Variants in GLI3 observed in about 807,000 individuals in gnomAD.
The protein encoded by GLI3 is GLI family zinc finger 3, also known as transcription activator GLI3.
In GLI3, 20 loss-of-function variants were observed where a neutral mutation model predicts 100.8. That is an observed-to-expected ratio of 0.20 (90% confidence interval 0.14 to 0.29). The LOEUF is 0.29. Among genes scored for constraint, GLI3 ranks in the 10% least tolerant of loss-of-function variants. The pLI is 1.00. For missense variants in GLI3, 2,040 were observed against 2,128.5 expected, an observed-to-expected ratio of 0.96 and a Z score of 0.82; for synonymous variants, 938 against 860.5, an observed-to-expected ratio of 1.09 and a Z score of -1.58.
chr7:41,964,329 C>T lies in GLI3; in HGVS notation c.*1G>A, dbSNP rs753279069. 2 of 1,613,220 alleles carry T rather than the reference C, an allele frequency of 1.2e-6. No homozygotes were observed. The highest frequency in any genetic ancestry group is 3.3e-5 in the Admixed American group (2 of 60,016). ...TGGTTGCAGTCTTTTTTTCCTAAAGCCTATTGCATAACTGCAAGGAATTTG... is the reference window on the plus strand; with the variant it reads ...TGGTTGCAGTCTTTTTTTCCTAAAGTCTATTGCATAACTGCAAGGAATTTG... On this transcript the variant is annotated 3_prime_UTR_variant, in exon 15 of 15. Transcript: ENST00000395925.
intron 2 of GLI3, among the ~76,000 whole-genome samples, chr7:42,186,494 C>A (rs1375148038): frequency 6.6e-6 from 1 of 152,158 alleles, no homozygotes; most frequent in Non-Finnish European, 1.5e-5. Context: ...CATGTGCTCA[C>A]AAGAAGGCAC....
intron 4 of GLI3, among the ~76,000 whole-genome samples, chr7:42,073,563 T>G (rs963783051): frequency 6.6e-6 from 1 of 152,220 alleles, no homozygotes; most frequent in African/African-American, 2.4e-5. Context: ...TGCCTTAATA[T>G]AGGGTGGTTT....
chr7:42,015,616 T>C (rs1283633335), intron 10 of GLI3, among the ~76,000 whole-genome samples: 3 of 150,568 alleles, frequency 2.0e-5, no homozygotes, highest in Non-Finnish European at 4.4e-5. Context: ...AAAAAAAAAA[T>C]AGTGATGGAG....
chr7:42,251,260 G>A (rs1789028718), intron 1 of GLI3, among the ~76,000 whole-genome samples: 1 of 152,188 alleles, frequency 6.6e-6, no homozygotes, highest in Non-Finnish European at 1.5e-5. Context: ...GGGAGGGATG[G>A]TTTTGGGATG....
rs1562661838 is a variant in GLI3 at position 41,968,728 on chromosome 7, GAAAGA to G, written c.2104-810_2104-806del. ...AAGAAAGAAAGAAGAAAGAAAGAAAGAAAGAAAGAAAGAAAGAAAGAAAGAAAGAA... is the reference window on the plus strand; with the variant it reads ...AAGAAAGAAAGAAGAAAGAAAGAAAGAAGAAAGAAAGAAAGAAAGAAAGAA... On this transcript the variant is annotated intron_variant, in intron 13 of 14. Transcript: ENST00000395925. 6.2e-4 allele frequency among the ~76,000 whole-genome samples: 66 copies of G among 105,822 alleles called. 2 individuals carry two copies. The highest frequency in any genetic ancestry group is 8.8e-4 in the Non-Finnish European group (47 of 53,708). The allele number at this position is 105,822 out of a possible 152,430, so 69.4% of individuals were successfully genotyped here.
intron 3 of GLI3, among the ~76,000 whole-genome samples, chr7:42,082,877 T>C (rs1009783692): frequency 1.7e-4 from 26 of 152,290 alleles, no homozygotes; most frequent in African/African-American, 5.5e-4. Context: ...GGGCCGGTTT[T>C]TGTAAATAAA....
chr7:42,039,170 T>A (rs1562698022), intron 7 of GLI3, among the ~76,000 whole-genome samples: 1 of 152,222 alleles, frequency 6.6e-6, no homozygotes, highest in Non-Finnish European at 1.5e-5. Context: ...TAATTCTATG[T>A]CTCAACCATT....
chr7:41,980,476 C>T (rs557223999), intron 10 of GLI3, among the ~76,000 whole-genome samples: 17 of 152,082 alleles, frequency 1.1e-4, no homozygotes, highest in African/African-American at 3.1e-4. Flanking sequence ...GATTCTCAAA[C>T]GGGAGAAAAA....
chr7:42,200,594 G>A (rs1788019020), intron 2 of GLI3, among the ~76,000 whole-genome samples: 1 of 152,156 alleles, frequency 6.6e-6, no homozygotes, highest in Non-Finnish European at 1.5e-5. Flanking sequence ...ACAAGAAAGA[G>A]TGATAAATTA....
chr7:41,974,977 G>C (rs1787471654), intron 12 of GLI3, among the ~76,000 whole-genome samples: 1 of 152,186 alleles, frequency 6.6e-6, no homozygotes, highest in Non-Finnish European at 1.5e-5. Context: ...GGCCCTGTGA[G>C]AACTGACACT....
In GLI3 at chr7:41,964,681, G is replaced by A. The variant is rs566409623; in HGVS notation, c.4392C>T (p.Asp1464=). The change falls in exon 15 of 15, where the codon GAC becomes GAT. Residue 1464 remains aspartate (D), a synonymous_variant. Coordinates refer to ENST00000395925, the MANE Select transcript of GLI3 (RefSeq NM_000168.6). ...DTKAGSFSIS[D]ASCLLQGTSA... ...TGGTCCCCTGTAGCAGGCAGCTGGC[G>A]TCTGAAATAGAGAATGAACCAGCTT... 5 of 1,613,944 alleles carry A rather than the reference G, an allele frequency of 3.1e-6. No individual in the cohort carries two copies. The highest frequency in any genetic ancestry group is 1.7e-5 in the Admixed American group (1 of 60,024).
At chr7:42,014,307 T>C (rs2128726825) in intron 10 of GLI3, among the ~76,000 whole-genome samples, 1 of 152,342 alleles carries the variant, frequency 6.6e-6, no homozygotes, top group Non-Finnish European at 1.5e-5. Context: ...TTAATCTTAC[T>C]ACCCACTACC....
At chr7:42,170,892 C>A (rs1787359341) in intron 2 of GLI3, among the ~76,000 whole-genome samples, 1 of 152,178 alleles carries the variant, frequency 6.6e-6, no homozygotes, top group Admixed American at 6.5e-5. Flanking sequence ...CCCAGTTTAA[C>A]CCTAATTCCT....
chr7:42,081,865 C>T (rs1015019982), intron 3 of GLI3, among the ~76,000 whole-genome samples: 7 of 152,056 alleles, frequency 4.6e-5, no homozygotes, highest in African/African-American at 1.7e-4. Context: ...GCCCGGGAAA[C>T]AGTGCAAGAG....
chr7:41,987,286 A>C (rs1037738841), intron 10 of GLI3, among the ~76,000 whole-genome samples: 20 of 152,134 alleles, frequency 1.3e-4, no homozygotes, highest in African/African-American at 4.8e-4. Flanking sequence ...CTTCTGCCTC[A>C]GCCTCCTGAG....
At chr7:41,984,071 G>A (rs1367225111) in intron 10 of GLI3, among the ~76,000 whole-genome samples, 1 of 152,200 alleles carries the variant, frequency 6.6e-6, no homozygotes, top group Non-Finnish European at 1.5e-5. Context: ...GGAGGCAGAA[G>A]GTGCTTCTTT....
chr7:42,252,236 C>T (rs2128710519), intron 1 of GLI3, among the ~76,000 whole-genome samples: 1 of 152,214 alleles, frequency 6.6e-6, no homozygotes, highest in South Asian at 2.1e-4. Context: ...CAAACTAATG[C>T]AGGAACAGCA....
At chr7:42,257,896 A>G (rs1789101471) in intron 1 of GLI3, among the ~76,000 whole-genome samples, 1 of 152,214 alleles carries the variant, frequency 6.6e-6, no homozygotes, top group Non-Finnish European at 1.5e-5. Context: ...TTCTGAGATA[A>G]AAGCCACTTG....
chr7:42,159,827 A>G (rs1285264231), intron 2 of GLI3, among the ~76,000 whole-genome samples: 2 of 152,352 alleles, frequency 1.3e-5, no homozygotes, highest in Admixed American at 1.3e-4. Context: ...TTTGAAAGCA[A>G]AAATTCTCAT....
Sources: allele counts gnomAD v4.1 joint callset (sites outside exome capture counted in the v4.1 genomes callset), GRCh38; gene constraint gnomAD v4.1.1; transcripts MANE v1.5; gene names NCBI Gene and HGNC (gene_info 2026-07-23, HGNC 2026-07-21).